Variants in GPBP1 observed in about 807,000 individuals in gnomAD.
GPBP1 encodes vasculin.
A neutral mutation model predicts 56.5 loss-of-function variants in GPBP1; 13 were observed. The ratio of observed to expected loss-of-function variants is 0.23; its 90% CI spans 0.15 to 0.37. The LOEUF (loss-of-function observed/expected upper bound fraction) is 0.37, where lower values mean the gene tolerates loss of function less well. Among genes scored for constraint, GPBP1 ranks in the 10% least tolerant of loss-of-function variants. The pLI, the probability that GPBP1 is intolerant of heterozygous loss-of-function variation, is 1.00. For synonymous variants in GPBP1, 204 were observed against 188.9 expected (o/e 1.08, Z -0.66); for missense variants, 477 against 572.3 (o/e 0.83, Z 1.70).
chr5:57,247,148 T>A lies in GPBP1; in HGVS notation c.737T>A (p.Val246Asp), dbSNP rs535427670. 1 of 1,613,784 alleles carries A rather than the reference T, an allele frequency of 6.2e-7. No individual in the cohort carries two copies. The highest frequency in any genetic ancestry group is 8.5e-7 in the Non-Finnish European group (1 of 1,179,798). Residue 246 changes from valine (V) to aspartate (D), a missense_variant, in exon 8 of 12, where the codon GTT becomes GAT. This residue lies in a region of GPBP1 where 414 missense variants were observed against 458.2 expected (regional missense o/e 0.90). Transcript: ENST00000506184. ...TTCCCTCATGAGTCCACATTTGGCGTTGGCAACTTTAATGCTTTTAAATCA... is the reference window on the plus strand; with the variant it reads ...TTCCCTCATGAGTCCACATTTGGCGATGGCAACTTTAATGCTTTTAAATCA... ...TSFPHESTFG[V>D]GNFNAFKSTA...
At chr5:57,211,107 T>C (rs543702003) in intron 2 of GPBP1, among the ~76,000 whole-genome samples, 2 of 151,928 alleles carry the variant, frequency 1.3e-5, no homozygotes, top group Admixed American at 6.6e-5. Context: ...TTGTGAAACT[T>C]TAATTAGCCT....
chr5:57,191,520 C>T (rs1048495622), intron 2 of GPBP1, among the ~76,000 whole-genome samples: 1 of 151,464 alleles, frequency 6.6e-6, no homozygotes, highest in Admixed American at 6.6e-5. Context: ...GTAATTTTTG[C>T]TCTCAGGTTC....
intron 10 of GPBP1, among the ~76,000 whole-genome samples, chr5:57,253,143 T>C (rs1317860711): frequency 6.6e-6 from 1 of 152,200 alleles, no homozygotes; most frequent in African/African-American, 2.4e-5. Flanking sequence ...TGTTTTTTTG[T>C]AGTTAAAAGC....
intron 3 of GPBP1, among the ~76,000 whole-genome samples, chr5:57,229,395 C>T (rs568602937): frequency 9.8e-4 from 149 of 152,138 alleles, no homozygotes; most frequent in South Asian, 1.7e-3. Flanking sequence ...TGATTTGTGG[C>T]TCTTTAATTT....
At chr5:57,239,881 A>G (rs1032333581) in intron 6 of GPBP1, among the ~76,000 whole-genome samples, 1 of 152,142 alleles carries the variant, frequency 6.6e-6, no homozygotes, top group Admixed American at 6.5e-5. Flanking sequence ...CACAATAGAA[A>G]TTTGTTTAAA....
Position 57,246,390 on chromosome 5 carries a change from T to C in GPBP1, c.569T>C (p.Val190Ala). 6.2e-7 allele frequency: 1 copy of C among 1,613,562 alleles called. No individual in the cohort carries two copies. Among genetic ancestry groups the C allele is most frequent in the South Asian group, 1.1e-5 (1 of 91,064 alleles). ...TKDLQLSGFP[V>A]VGNLPSQPVK... is the part of the protein sequence containing the mutation. ...GACTTACAGCTATCTGGATTCCCAGTAGTAGGAAATCTTCCGTCACAGCCA... is the reference window on the plus strand; with the variant it reads ...GACTTACAGCTATCTGGATTCCCAGCAGTAGGAAATCTTCCGTCACAGCCA... Residue 190 changes from valine (V) to alanine (A), a missense_variant, in exon 7 of 12, where the codon GTA (valine) becomes GCA (alanine). Coordinates refer to ENST00000506184, the MANE Select transcript of GPBP1 (RefSeq NM_022913.4).
intron 10 of GPBP1, among the ~76,000 whole-genome samples, chr5:57,255,184 CCTCT>C (rs965200595): frequency 1.3e-5 from 2 of 150,510 alleles, no homozygotes; most frequent in East Asian, 1.9e-4. Flanking sequence ...GTGTTCACGT[CCTCT>C]CTCTCTTCTC....
At chr5:57,178,323 C>T (rs866989878) in intron 2 of GPBP1, among the ~76,000 whole-genome samples, 1 of 152,188 alleles carries the variant, frequency 6.6e-6, no homozygotes, top group Non-Finnish European at 1.5e-5. Context: ...TCTCGGCTCA[C>T]TGCAACCTCC....
At chr5:57,250,755 G>A (rs941094895) in intron 9 of GPBP1, among the ~76,000 whole-genome samples, 199 bp from the exon 10 acceptor site, 2 of 151,960 alleles carry the variant, frequency 1.3e-5, no homozygotes, top group African/African-American at 4.8e-5. Context: ...ATTTTGGCCA[G>A]GCTCGTCGCA....
At chr5:57,222,050 T>C (rs1755979008) in intron 3 of GPBP1, among the ~76,000 whole-genome samples, 1 of 152,190 alleles carries the variant, frequency 6.6e-6, no homozygotes. Context: ...TTTGTTTTTT[T>C]TGTTTGTTTG....
At chr5:57,210,753 C>G (rs567659514) in intron 2 of GPBP1, among the ~76,000 whole-genome samples, 2 of 152,286 alleles carry the variant, frequency 1.3e-5, no homozygotes, top group South Asian at 4.1e-4. Flanking sequence ...GTAGAGGCAT[C>G]AGCAGAGGGT....
chr5:57,175,772 G>C lies in GPBP1; in HGVS notation c.-686G>C, dbSNP rs887115754. On this transcript the variant is annotated 5_prime_UTR_variant, in exon 2 of 12. Transcript: ENST00000506184. The stretch of plus-strand genomic sequence containing the variant: ...GGTTCTTCAGCCGAAACTGAGAGAC[G>C]TTGATTTGTGTACTGAGTAGTTTCA... 1 of 396,484 alleles carries C rather than the reference G, an allele frequency of 2.5e-6. No homozygotes were observed. The highest frequency in any genetic ancestry group is 2.1e-5 in the African/African-American group (1 of 48,592). The allele number at this position is 396,484 out of a possible 1,614,324, so 24.6% of individuals were successfully genotyped here.
chr5:57,235,696 T>C (rs1420525749), intron 5 of GPBP1, among the ~76,000 whole-genome samples: 1 of 152,220 alleles, frequency 6.6e-6, no homozygotes, highest in East Asian at 1.9e-4. Flanking sequence ...CAGAAGTGTT[T>C]TGGATTTTGG....
At chr5:57,185,242 C>A (rs544699686) in intron 2 of GPBP1, among the ~76,000 whole-genome samples, 7 of 151,026 alleles carry the variant, frequency 4.6e-5, no homozygotes, top group Admixed American at 3.3e-4. Flanking sequence ...TTTTTGGCAA[C>A]CATCTTTGGT....
rs1275930260 is a variant in GPBP1, at chr5:57,246,446, A to G, written c.625A>G (p.Lys209Glu). The part of the protein sequence containing the change: ...VKNGTGPSVY[K>E]GLVPKPAAPP... The stretch of plus-strand genomic sequence containing the variant: ...GAATGGAACTGGTCCAAGTGTTTAT[A>G]AAGGTTTAGTCCCTAAACCTGCTGC... The change falls in exon 7 of 12, where the codon AAA becomes GAA. Residue 209 changes from lysine to glutamate, a missense_variant. This residue lies in a region of GPBP1 where 414 missense variants were observed against 458.2 expected (regional missense o/e 0.90). Transcript: ENST00000506184. The G allele has an allele frequency of 3.7e-6, 6 of 1,613,180 alleles. No individual in the cohort carries two copies. Among genetic ancestry groups the G allele is most frequent in the Non-Finnish European group, 5.1e-6 (6 of 1,179,566 alleles).
chr5:57,182,321 T>A (rs1453210987), intron 2 of GPBP1, among the ~76,000 whole-genome samples: 4 of 150,876 alleles, frequency 2.7e-5, no homozygotes, highest in African/African-American at 9.8e-5. Flanking sequence ...TGACCTGAAG[T>A]GATCTGCCCA....
chr5:57,246,248 A>G (rs1741083777), intron 6 of GPBP1, 52 bp from the exon 7 acceptor site: 19 of 1,464,632 alleles, frequency 1.3e-5, no homozygotes, highest in East Asian at 2.3e-5. Context: ...GTTTTATTCT[A>G]TACTAAAACT....
intron 2 of GPBP1, among the ~76,000 whole-genome samples, chr5:57,185,258 C>CTTTTTTT (rs747214276): frequency 7.8e-6 from 1 of 128,668 alleles, no homozygotes; most frequent in African/African-American, 2.9e-5. Flanking sequence ...TTGGTTAGGT[C>CTTTTTTT]TTTTTTTTTT....
At chr5:57,208,381 G>C (rs1204198192) in intron 2 of GPBP1, among the ~76,000 whole-genome samples, 1 of 151,852 alleles carries the variant, frequency 6.6e-6, no homozygotes, top group Non-Finnish European at 1.5e-5. Context: ...CCACAGGTAC[G>C]AGCCACCATG....
Sources: gnomAD v4.1 joint callset for allele counts (sites outside exome capture counted in the v4.1 genomes callset) on GRCh38, gnomAD v4.1.1 for gene constraint, gnomAD v4.1.1 regional missense constraint, MANE v1.5 for transcripts, NCBI Gene and HGNC (gene_info 2026-07-23, HGNC 2026-07-21) for gene names.